The following CFAP221 variants were observed in gnomAD, a reference collection of about 807,000 sequenced individuals.
CFAP221 encodes cilia and flagella associated protein 221.
CFAP221 carries 97 observed loss-of-function variants against 113.1 expected under a neutral mutation model. The observed-to-expected ratio is 0.86, with a 90% CI of 0.73 to 1.02. CFAP221 has a LOEUF of 1.02. Among genes scored for constraint, CFAP221 ranks in the 50% least tolerant of loss-of-function variants. CFAP221 has a pLI of 0.00. For missense variants in CFAP221, 1,025 were observed against 1,013.4 expected, an observed-to-expected ratio of 1.01 and a Z score of -0.16; for synonymous variants, 331 against 354.4, an observed-to-expected ratio of 0.93 and a Z score of 0.74.
At chr2:119,557,378 C>T (rs1680883133) in intron 3 of CFAP221, 1 of 152,246 alleles carries the variant, frequency 6.6e-6, no homozygotes, top group Non-Finnish European at 1.5e-5. Context: ...AGCTGCAGTT[C>T]CTAGTGGGGA....
intron 9 of CFAP221, 39 bp from the exon 10 acceptor site, chr2:119,604,837 G>A (rs768916817): frequency 1.6e-5 from 25 of 1,610,208 alleles, no homozygotes; most frequent in African/African-American, 4.0e-5. Flanking sequence ...GTGACAGAGG[G>A]GCAGACTAAC....
Position 119,546,256 on chromosome 2 carries a change from A to G in CFAP221, c.125A>G (p.His42Arg), listed in dbSNP as rs1558900002. Residue 42 changes from histidine (H) to arginine (R), a missense_variant, in exon 2 of 24, where the codon CAC becomes CGC. His to Arg is a conservative substitution (Grantham distance 29). Transcript: ENST00000413369. ...EPKKRKEVPNHLLESKVYAKL... is the reference protein window; with the variant it reads ...EPKKRKEVPNRLLESKVYAKL... ...AAAAAAAGAAAAGAAGTACCTAATC[A>G]CCTCCTAGAATCAAGTAAGTGGCTA... 6.5e-7 allele frequency: 1 copy of G among 1,534,390 alleles called. No individual in the cohort carries two copies. The highest frequency in any genetic ancestry group is 8.7e-7 in the Non-Finnish European group (1 of 1,146,394).
chr2:119,564,612 C>T (rs1681493831), intron 6 of CFAP221, among the ~76,000 whole-genome samples: 1 of 152,118 alleles, frequency 6.6e-6, no homozygotes, highest in African/African-American at 2.4e-5. Flanking sequence ...TTGATCTTTA[C>T]ATAGATGGAA....
intron 3 of CFAP221, among the ~76,000 whole-genome samples, chr2:119,559,261 T>C (rs755115472): frequency 2.6e-5 from 4 of 152,194 alleles, no homozygotes; most frequent in Non-Finnish European, 5.9e-5. Flanking sequence ...TTTCTGATGG[T>C]CTCAGTGTCC....
At chr2:119,554,293 A>G (rs1346741855) in intron 3 of CFAP221, among the ~76,000 whole-genome samples, 1 of 152,230 alleles carries the variant, frequency 6.6e-6, no homozygotes, top group Non-Finnish European at 1.5e-5. Context: ...AAAGGATCTG[A>G]AACATTTTGC....
chr2:119,568,710 C>T (rs11685679), intron 6 of CFAP221, among the ~76,000 whole-genome samples: 28,622 of 152,012 alleles, frequency 0.19, 2,870 homozygotes, highest in African/African-American at 0.25. Flanking sequence ...ATGGTGTATA[C>T]GTACCACATT....
intron 22 of CFAP221, among the ~76,000 whole-genome samples, chr2:119,651,761 G>T (rs977375753): frequency 6.6e-6 from 1 of 152,110 alleles, no homozygotes; most frequent in Admixed American, 6.6e-5. Context: ...TTATTCTCTG[G>T]TTATAAATAA....
intron 5 of CFAP221, among the ~76,000 whole-genome samples, chr2:119,560,744 A>G (rs531243882): frequency 3.9e-5 from 6 of 152,142 alleles, no homozygotes; most frequent in South Asian, 4.1e-4. Flanking sequence ...ATTTCCTACA[A>G]TCTGCACAAT....
chr2:119,588,358 A>G (rs1166519939), intron 7 of CFAP221, among the ~76,000 whole-genome samples: 10 of 152,324 alleles, frequency 6.6e-5, no homozygotes, highest in South Asian at 2.1e-4. Flanking sequence ...ATGAACTCAC[A>G]TGGGACTTGA....
Position 119,560,030 on chromosome 2 carries a change from G to C in CFAP221, c.426+4G>C. The C allele has an allele frequency of 2.1e-6, 3 of 1,432,016 alleles. No individual in the cohort carries two copies. In the Admixed American group the frequency reaches 6.7e-5, roughly 32 times the overall value. 88.7% of individuals were successfully genotyped at this position (1,432,016 alleles called of 1,614,324 possible). ...CTGCATCCGTGTTCACTGTAAGGTA[G>C]GTCTCTTAAAATTGCTTTTTTTTTT... On this transcript the variant is annotated splice_donor_region_variant and intron_variant, in intron 5 of 23. Coordinates refer to ENST00000413369, the MANE Select transcript of CFAP221 (RefSeq NM_001271049.2).
intron 14 of CFAP221, among the ~76,000 whole-genome samples, chr2:119,619,261 T>G (rs1479878747): frequency 6.6e-6 from 1 of 152,218 alleles, no homozygotes; most frequent in Non-Finnish European, 1.5e-5. Flanking sequence ...CCTCCTCAAG[T>G]GGGTCTCTGA....
intron 6 of CFAP221, among the ~76,000 whole-genome samples, chr2:119,575,818 T>C (rs554364825): frequency 1.8e-4 from 28 of 152,338 alleles, no homozygotes; most frequent in African/African-American, 5.8e-4. Context: ...ACATATGATC[T>C]CTGCAGATGA....
At chr2:119,563,168 TA>T (rs1224195269) in intron 6 of CFAP221, among the ~76,000 whole-genome samples, 1 of 152,074 alleles carries the variant, frequency 6.6e-6, no homozygotes, top group Non-Finnish European at 1.5e-5. Context: ...ATATAAAAAA[TA>T]AAATGGCATA....
chr2:119,634,508 T>C (rs1433911225), intron 19 of CFAP221, among the ~76,000 whole-genome samples: 2 of 152,114 alleles, frequency 1.3e-5, no homozygotes, highest in East Asian at 3.9e-4. Flanking sequence ...ATCAAAGAGA[T>C]ATTAGCACTC....
intron 21 of CFAP221, among the ~76,000 whole-genome samples, chr2:119,640,510 C>T (rs1687419809): frequency 1.3e-5 from 2 of 152,356 alleles, no homozygotes; most frequent in Admixed American, 6.5e-5. Context: ...TTTCATTAGA[C>T]TCTGCCTGGC....
intron 6 of CFAP221, among the ~76,000 whole-genome samples, chr2:119,564,973 A>G (rs1681517970): frequency 6.6e-6 from 1 of 152,166 alleles, no homozygotes; most frequent in African/African-American, 2.4e-5. Flanking sequence ...GTTTTCTAAA[A>G]TGGTTGTAGG....
intron 21 of CFAP221, among the ~76,000 whole-genome samples, chr2:119,642,225 C>G (rs559867103): frequency 6.6e-6 from 1 of 152,190 alleles, no homozygotes; most frequent in South Asian, 2.1e-4. Flanking sequence ...CTGTATCTAT[C>G]TTCTTAGCAT....
At chr2:119,548,009 G>A (rs1680170926) in intron 2 of CFAP221, among the ~76,000 whole-genome samples, 1 of 152,082 alleles carries the variant, frequency 6.6e-6, no homozygotes, top group Non-Finnish European at 1.5e-5. Context: ...TGTTGTCCAG[G>A]CTGGAGAGCA....
intron 9 of CFAP221, 36 bp from the exon 10 acceptor site, chr2:119,604,840 A>C: frequency 6.2e-7 from 1 of 1,610,872 alleles, no homozygotes; most frequent in Non-Finnish European, 8.5e-7. Flanking sequence ...ACAGAGGGGC[A>C]GACTAACTGA....
Sources: gnomAD v4.1 joint callset for allele counts (sites outside exome capture counted in the v4.1 genomes callset) on GRCh38, gnomAD v4.1.1 for gene constraint, MANE v1.5 for transcripts, NCBI Gene and HGNC (gene_info 2026-07-23, HGNC 2026-07-21) for gene names.